Variants in SPATA6 observed in about 807,000 individuals in gnomAD.
SPATA6 encodes the protein spermatogenesis associated 6, also known as spermatogenesis-associated protein 6.
A neutral mutation model predicts 65.3 loss-of-function variants in SPATA6; 56 were observed. The ratio of observed to expected loss-of-function variants is 0.86; its 90% CI spans 0.69 to 1.07. The LOEUF (loss-of-function observed/expected upper bound fraction) is 1.07. Among genes scored for constraint, SPATA6 ranks in the 50% least tolerant of loss-of-function variants. SPATA6 has a pLI of 0.00. For synonymous variants in SPATA6, 199 were observed against 213.2 expected, an observed-to-expected ratio of 0.93 and a Z score of 0.58; for missense variants, 590 against 594.8, an observed-to-expected ratio of 0.99 and a Z score of 0.08.
the SPATA6 span, among the ~76,000 whole-genome samples, chr1:48,272,401 G>A: frequency 6.6e-6 from 1 of 151,994 alleles, no homozygotes; most frequent in Non-Finnish European, 1.5e-5. Context: ...CTATGAGTTT[G>A]ACTATTTGAG....
At chr1:48,393,416 A>T (rs920440876) in intron 8 of SPATA6, 2 of 152,148 alleles carry the variant, frequency 1.3e-5, no homozygotes, top group African/African-American at 2.4e-5. Context: ...AATGTCATTA[A>T]GCACAATGAA....
chr1:48,286,979 C>T, the SPATA6 span, among the ~76,000 whole-genome samples: 2 of 146,962 alleles, frequency 1.4e-5, no homozygotes, highest in East Asian at 4.1e-4. Context: ...GCAGAAGTTG[C>T]AGTGAGCCGA....
At position 48,397,417 on chromosome 1, in the gene SPATA6, T is replaced by C. The variant is rs371533867; in HGVS notation, c.780+1934A>G. Reference sequence around the variant, plus strand: ...ATAAATGGAAAATAAAAAGGCTGTTTTACTCGTCTAGGATAATTGCACCAG... The same window carrying C: ...ATAAATGGAAAATAAAAAGGCTGTTCTACTCGTCTAGGATAATTGCACCAG... On this transcript the variant is annotated intron_variant, in intron 7 of 12. Transcript: ENST00000371847. Among the ~76,000 whole-genome samples, 22 of 151,854 alleles carry C rather than the reference T, an allele frequency of 1.4e-4. No homozygotes were observed. In the East Asian group the frequency reaches 1.7e-3, roughly 12 times the overall value.
At chr1:48,276,698 T>C in the SPATA6 span, among the ~76,000 whole-genome samples, 7 of 152,122 alleles carry the variant, frequency 4.6e-5, no homozygotes, top group African/African-American at 2.4e-5. Flanking sequence ...TCTGAGAGAA[T>C]GTTTCTTATT....
chr1:48,283,515 C>T, the SPATA6 span, among the ~76,000 whole-genome samples: 1 of 150,014 alleles, frequency 6.7e-6, no homozygotes, highest in Non-Finnish European at 1.5e-5. Flanking sequence ...CTCATCTCTA[C>T]TAAAAATACA....
At chr1:48,395,453 A>G in intron 7 of SPATA6, 99 bp from the exon 8 acceptor site, 1 of 682,442 alleles carries the variant, frequency 1.5e-6, no homozygotes, top group Non-Finnish European at 2.1e-6. Context: ...GAGAGCATAT[A>G]TAATCAGGGA....
At chr1:48,356,820 T>A (rs1354229519) in intron 10 of SPATA6, among the ~76,000 whole-genome samples, 2 of 152,166 alleles carry the variant, frequency 1.3e-5, no homozygotes, top group Admixed American at 1.3e-4. Flanking sequence ...CAATATCATA[T>A]GTTTATACAA....
At chr1:48,452,440 G>C (rs2148156698) in intron 2 of SPATA6, among the ~76,000 whole-genome samples, 1 of 150,274 alleles carries the variant, frequency 6.7e-6, no homozygotes, top group East Asian at 2.0e-4. Context: ...CTGGAGTGCA[G>C]TGGCGCTATC....
the SPATA6 span, among the ~76,000 whole-genome samples, chr1:48,288,099 C>T: frequency 6.6e-6 from 1 of 152,116 alleles, no homozygotes; most frequent in African/African-American, 2.4e-5. Flanking sequence ...ATGTATCTCA[C>T]ATTGATTTAT....
At chr1:48,455,029 T>C (rs1199400454) in intron 1 of SPATA6, among the ~76,000 whole-genome samples, 1 of 152,220 alleles carries the variant, frequency 6.6e-6, no homozygotes, top group African/African-American at 2.4e-5. Context: ...TATGTTCCCC[T>C]TTTGCTCTAA....
In SPATA6 at chr1:48,413,029, G is replaced by GT. The variant is rs1388484439; in HGVS notation, c.280+80dup. On this transcript the variant is annotated intron_variant, in intron 4 of 12. Transcript: ENST00000371847. ...TATTATATCCTTATCAAATAATATA[G>GT]TATAATCAATATATAATATATTATA... 71 of 414,264 alleles carry GT rather than the reference G, an allele frequency of 1.7e-4. 1 individual carries two copies. Among genetic ancestry groups the GT allele is most frequent in the Non-Finnish European group, 3.7e-6 (1 of 267,090 alleles). 25.7% of individuals were successfully genotyped at this position (414,264 alleles called of 1,614,324 possible).
the SPATA6 span, among the ~76,000 whole-genome samples, chr1:48,275,132 T>C: frequency 6.6e-6 from 1 of 152,322 alleles, no homozygotes; most frequent in Middle Eastern, 3.4e-3. Context: ...ATGATTTGGC[T>C]CTCTGTTTGT....
intron 11 of SPATA6, among the ~76,000 whole-genome samples, chr1:48,339,087 G>A (rs1646136571): frequency 6.6e-6 from 1 of 151,918 alleles, no homozygotes; most frequent in African/African-American, 2.4e-5. Flanking sequence ...GTGTGAAAAT[G>A]TAATAAACTA....
intron 3 of SPATA6, among the ~76,000 whole-genome samples, chr1:48,449,779 A>G (rs553932561): frequency 1.3e-5 from 2 of 152,348 alleles, no homozygotes; most frequent in East Asian, 3.9e-4. Context: ...GTTAGGTGTG[A>G]TACCAGCATG....
intron 11 of SPATA6, among the ~76,000 whole-genome samples, chr1:48,307,262 G>C (rs1184411835): frequency 6.6e-6 from 1 of 150,526 alleles, no homozygotes; most frequent in African/African-American, 2.4e-5. Flanking sequence ...ATCATATAGG[G>C]GTATTCAGAC....
intron 11 of SPATA6, among the ~76,000 whole-genome samples, chr1:48,340,509 T>TA (rs147800709): frequency 0.098 from 14,807 of 150,956 alleles, 877 homozygotes; most frequent in South Asian, 0.17. Context: ...AAAAAATTGG[T>TA]AAAAAAAATT....
At chr1:48,280,725 T>C in the SPATA6 span, among the ~76,000 whole-genome samples, 13 of 152,228 alleles carry the variant, frequency 8.5e-5, no homozygotes, top group East Asian at 2.5e-3. Flanking sequence ...CAGGACCAGA[T>C]GGATTCACAG....
At chr1:48,283,712 A>AGAAAGAAAGAAAGAAAGAAG in the SPATA6 span, among the ~76,000 whole-genome samples, 24 of 146,608 alleles carry the variant, frequency 1.6e-4, no homozygotes, top group Non-Finnish European at 3.4e-4. Flanking sequence ...AAAGAAAGAA[A>AGAAAGAAAGAAAGAAAGAAG]GAAAGAAAGA....
At chr1:48,289,355 A>G in the SPATA6 span, among the ~76,000 whole-genome samples, 1 of 152,242 alleles carries the variant, frequency 6.6e-6, no homozygotes, top group Admixed American at 6.5e-5. Context: ...CATCACCATC[A>G]TCAAAGACCA....
Sources: gnomAD v4.1 joint callset for allele counts (sites outside exome capture counted in the v4.1 genomes callset) on GRCh38, gnomAD v4.1.1 for gene constraint, MANE v1.5 for transcripts, NCBI Gene and HGNC (gene_info 2026-07-23, HGNC 2026-07-21) for gene names.